Variants in FAM193B observed in about 807,000 individuals in gnomAD.
The protein encoded by FAM193B is protein FAM193B.
Under a neutral mutation model 70.7 loss-of-function variants are expected in FAM193B, and 27 were observed. The ratio of observed to expected loss-of-function variants is 0.38; its 90% CI spans 0.28 to 0.53. The LOEUF (loss-of-function observed/expected upper bound fraction) is 0.53, where lower values mean the gene tolerates loss of function less well. Ranked by LOEUF, FAM193B falls within the 20% of genes least tolerant of loss-of-function variation. FAM193B has a pLI of 0.81. For missense variants in FAM193B, 1,022 were observed against 1,072.5 expected (o/e 0.95, Z 0.66); for synonymous variants, 448 against 436.0 (o/e 1.03, Z -0.34).
intron 1 of FAM193B, among the ~76,000 whole-genome samples, chr5:177,548,120 G>C (rs758523963): frequency 6.6e-6 from 1 of 152,008 alleles, no homozygotes; most frequent in Non-Finnish European, 1.5e-5. Context: ...TTTTAGGCTC[G>C]ATCTGGGTGT....
chr5:177,531,299 G>T, intron 5 of FAM193B: 1 of 1,336,702 alleles, frequency 7.5e-7, no homozygotes, highest in South Asian at 1.2e-5. Flanking sequence ...TTCAGCTTGT[G>T]CCGGGCCCGC....
At chr5:177,523,664 A>G (rs1729762621) in intron 7 of FAM193B, among the ~76,000 whole-genome samples, 1 of 152,254 alleles carries the variant, frequency 6.6e-6, no homozygotes, top group Non-Finnish European at 1.5e-5. Flanking sequence ...CAAAGCAGAG[A>G]ATGTGCAAGT....
At chr5:177,530,890 G>A (rs941715911) in intron 5 of FAM193B, among the ~76,000 whole-genome samples, 4 of 152,180 alleles carry the variant, frequency 2.6e-5, no homozygotes, top group African/African-American at 9.7e-5. Context: ...CCTCATCCCA[G>A]TACTTGTCAC....
rs1210144484 is a variant in FAM193B, at chr5:177,538,261, T to C, written c.454-154A>G. On this transcript the variant is annotated intron_variant, in intron 2 of 8. Coordinates refer to ENST00000514747, the MANE Select transcript of FAM193B (RefSeq NM_001190946.3). This position sits in a 1 kb window ranked among gnomAD's most constrained non-coding sequence, Gnocchi z 4.1. ...ATACAACTCCAGCTATAAGAACAAA[T>C]GAGGGCCAGGCCTTTGCTGGGAAAG... 1.3e-5 allele frequency among the ~76,000 whole-genome samples: 2 copies of C among 152,108 alleles called. No individual in the cohort carries two copies. The highest frequency in any genetic ancestry group is 2.9e-5 in the Non-Finnish European group (2 of 68,022).
chr5:177,529,574 TA>T (rs1330072237), intron 5 of FAM193B, among the ~76,000 whole-genome samples: 1 of 151,934 alleles, frequency 6.6e-6, no homozygotes, highest in Non-Finnish European at 1.5e-5. Context: ...AGCCTCCAGA[TA>T]TATGAGGTAG....
rs1764443496 is a variant in FAM193B at position 177,538,422 on chromosome 5, G to A, written c.454-315C>T. 6.6e-6 allele frequency among the ~76,000 whole-genome samples: 1 copy of A among 152,184 alleles called. No individual in the cohort carries two copies. Among genetic ancestry groups the A allele is most frequent in the Admixed American group, 6.5e-5 (1 of 15,284 alleles). ...ATGACAGGAAGGGCCTTTTGACCAG[G>A]AGTCCTGAAGCTAAACTGTTCCTGG... On this transcript the variant is annotated intron_variant, in intron 2 of 8. Coordinates refer to ENST00000514747, the MANE Select transcript of FAM193B (RefSeq NM_001190946.3). The surrounding 1 kb of genome is among the most constrained non-coding windows in gnomAD (Gnocchi z 4.1).
At chr5:177,540,808 ACC>A (rs1022597940) in intron 1 of FAM193B, among the ~76,000 whole-genome samples, 3 of 152,164 alleles carry the variant, frequency 2.0e-5, no homozygotes, top group African/African-American at 7.2e-5. Flanking sequence ...TTCCAAACTT[ACC>A]CAACACTGGG....
chr5:177,537,748 C>G, intron 3 of FAM193B, 125 bp downstream of exon 3: 1 of 1,375,778 alleles, frequency 7.3e-7, no homozygotes, highest in Non-Finnish European at 9.6e-7. Context: ...CCTGCTTCCA[C>G]CAGAACAGTT....
chr5:177,524,557 T>C lies in FAM193B; in HGVS notation c.1924A>G (p.Ser642Gly). 1.2e-6 allele frequency: 2 copies of C among 1,610,516 alleles called. No homozygotes were observed. The highest frequency in any genetic ancestry group is 1.7e-6 in the Non-Finnish European group (2 of 1,178,426). ...CTTGCCTCGCTCTTCTTGGCCTGAC[T>C]GCCCTGCCTCTTGCCCTTCTGTGGC... is the stretch of plus-strand genomic sequence containing the variant. ...GKPQKGKRQGSQAKKSEASPA... is the reference protein window; with the variant it reads ...GKPQKGKRQGGQAKKSEASPA... The change falls in exon 6 of 9, where the codon AGT becomes GGT. Residue 642 changes from serine to glycine, a missense_variant. Coordinates refer to ENST00000514747, the MANE Select transcript of FAM193B (RefSeq NM_001190946.3).
intron 7 of FAM193B, 100 bp from the exon 8 acceptor site, chr5:177,522,171 T>C: frequency 1.0e-6 from 1 of 952,670 alleles, no homozygotes; most frequent in Non-Finnish European, 1.6e-6. Context: ...AGAGACCAGG[T>C]TCTCTACAAA....
chr5:177,554,115 C>T, intron 1 of FAM193B, 134 bp downstream of exon 1: 2 of 1,398,350 alleles, frequency 1.4e-6, no homozygotes, highest in African/African-American at 1.5e-5. Context: ...GAGAAAGCTT[C>T]GGCGCCGGAC....
At position 177,542,733 on chromosome 5, in the gene FAM193B, C is replaced by G. The variant is rs114530824; in HGVS notation, c.211-3586G>C. Among the ~76,000 whole-genome samples, 1,121 of 152,334 alleles carry G rather than the reference C, an allele frequency of 7.4e-3. 15 individuals carry two copies. The highest frequency in any genetic ancestry group is 0.026 in the African/African-American group (1,093 of 41,574). The stretch of plus-strand genomic sequence containing the variant: ...CAACCTCCTCTAGGCTTTCTCCTCT[C>G]GTAATTCACTTCTCCTCTCCCATCT... On this transcript the variant is annotated intron_variant, in intron 1 of 8. Coordinates refer to ENST00000514747, the MANE Select transcript of FAM193B (RefSeq NM_001190946.3).
intron 5 of FAM193B, among the ~76,000 whole-genome samples, chr5:177,529,803 A>G (rs1168846056): frequency 6.6e-6 from 1 of 152,200 alleles, no homozygotes; most frequent in East Asian, 1.9e-4. Flanking sequence ...CACTGTCCTA[A>G]GAAGCCAGGA....
chr5:177,520,448 T>A (rs1761547730), intron 8 of FAM193B, among the ~76,000 whole-genome samples: 1 of 152,174 alleles, frequency 6.6e-6, no homozygotes, highest in Non-Finnish European at 1.5e-5. Flanking sequence ...TTGCTGTCCA[T>A]CAGCAGGGGC....
rs1766710356 is a variant in FAM193B at position 177,554,102 on chromosome 5, G to T, written c.210+147C>A. 6 of 1,396,916 alleles carry T rather than the reference G, an allele frequency of 4.3e-6. No individual in the cohort carries two copies. In the South Asian group the frequency reaches 7.2e-5, roughly 17 times the overall value. 86.5% of individuals were successfully genotyped at this position (1,396,916 alleles called of 1,614,324 possible). A position where few individuals can be genotyped will look rare whatever the true frequency, so the allele number is the denominator to read the frequency against. ...GGGTCCAGCCTCCATTCCCGCCCCG[G>T]GGGAGAAAGCTTCGGCGCCGGACCC... On this transcript the variant is annotated intron_variant, in intron 1 of 8. Coordinates refer to ENST00000514747, the MANE Select transcript of FAM193B (RefSeq NM_001190946.3).
At chr5:177,550,430 TTAAACA>T (rs1184173892) in intron 1 of FAM193B, among the ~76,000 whole-genome samples, 1 of 152,196 alleles carries the variant, frequency 6.6e-6, no homozygotes, top group Non-Finnish European at 1.5e-5. Flanking sequence ...GCTGAGTGAA[TTAAACA>T]TAATGAGATG....
chr5:177,554,164 C>T, intron 1 of FAM193B, 85 bp downstream of exon 1: 9 of 1,458,014 alleles, frequency 6.2e-6, no homozygotes, highest in Non-Finnish European at 8.2e-6. Flanking sequence ...GCAGGATGGC[C>T]CATCCCCAAC....
intron 1 of FAM193B, among the ~76,000 whole-genome samples, chr5:177,553,005 C>T (rs1464193741): frequency 6.6e-6 from 1 of 152,112 alleles, no homozygotes; most frequent in Non-Finnish European, 1.5e-5. Context: ...GTTCACAGTC[C>T]AGGGCAGGCA....
chr5:177,537,742 C>T, intron 3 of FAM193B, 131 bp downstream of exon 3: 2 of 1,324,368 alleles, frequency 1.5e-6, no homozygotes, highest in Non-Finnish European at 2.0e-6. Flanking sequence ...GCTGCCCCTG[C>T]TTCCACCAGA....
Sources: gnomAD v4.1 joint callset for allele counts (sites outside exome capture counted in the v4.1 genomes callset) on GRCh38, gnomAD v4.1.1 for gene constraint, Gnocchi (gnomAD v3.1) non-coding constraint, MANE v1.5 for transcripts, NCBI Gene and HGNC (gene_info 2026-07-23, HGNC 2026-07-21) for gene names.